Variants in MEIS2 observed in about 807,000 individuals in gnomAD.
The protein encoded by MEIS2 is homeobox protein Meis2.
A neutral mutation model predicts 58.6 loss-of-function variants in MEIS2; 9 were observed. That is an observed-to-expected ratio of 0.15 (90% CI 0.09 to 0.27). MEIS2 has a LOEUF of 0.27. Among genes scored for constraint, MEIS2 ranks in the 10% least tolerant of loss-of-function variants. The pLI is 1.00. For synonymous variants in MEIS2, 221 were observed against 228.4 expected, an observed-to-expected ratio of 0.97 and a Z score of 0.29; for missense variants, 427 against 635.0, an observed-to-expected ratio of 0.67 and a Z score of 3.52.
At chr15:36,940,993 A>G (rs1274822762) in intron 9 of MEIS2, among the ~76,000 whole-genome samples, 2 of 152,168 alleles carry the variant, frequency 1.3e-5, no homozygotes, top group East Asian at 3.9e-4. Context: ...AATCCCTATG[A>G]CTTTTGCCAT....
chr15:37,073,682 T>C (rs1891005546), intron 7 of MEIS2, among the ~76,000 whole-genome samples: 1 of 152,060 alleles, frequency 6.6e-6, no homozygotes, highest in South Asian at 2.1e-4. Context: ...TTATCAACTT[T>C]TTTTCATCTT....
At chr15:37,071,212 G>T (rs1363606941) in intron 7 of MEIS2, among the ~76,000 whole-genome samples, 5 of 152,066 alleles carry the variant, frequency 3.3e-5, no homozygotes, top group African/African-American at 9.7e-5. Flanking sequence ...AGAGGGAGGA[G>T]ATGCCTAAAA....
intron 2 of MEIS2, among the ~76,000 whole-genome samples, chr15:37,096,840 G>C (rs1894316015): frequency 6.6e-6 from 1 of 151,498 alleles, no homozygotes; most frequent in Non-Finnish European, 1.5e-5. Flanking sequence ...AACACTGTGT[G>C]AAATTGAAAA....
intron 7 of MEIS2, among the ~76,000 whole-genome samples, chr15:37,082,400 G>T (rs550290507): frequency 6.6e-6 from 1 of 151,854 alleles, no homozygotes; most frequent in African/African-American, 2.4e-5. Flanking sequence ...TTGTGTCGCC[G>T]CAATTTGGGG....
intron 7 of MEIS2, among the ~76,000 whole-genome samples, chr15:37,044,821 TTGTC>T (rs1256896298): frequency 3.9e-5 from 6 of 152,200 alleles, no homozygotes; most frequent in Non-Finnish European, 8.8e-5. Context: ...TTTTGCTAGT[TTGTC>T]TGTCTGTGAG....
chr15:37,084,496 A>C, intron 6 of MEIS2, among the ~76,000 whole-genome samples: 1 of 152,234 alleles, frequency 6.6e-6, no homozygotes, highest in Non-Finnish European at 1.5e-5. Context: ...TCAATACCTA[A>C]TAAATTATTG....
chr15:37,058,167 G>C (rs1888698838), intron 7 of MEIS2, among the ~76,000 whole-genome samples: 1 of 151,942 alleles, frequency 6.6e-6, no homozygotes, highest in East Asian at 1.9e-4. Context: ...CCCACCTAAG[G>C]CCCCCAAAGG....
intron 6 of MEIS2, among the ~76,000 whole-genome samples, chr15:37,092,215 G>A (rs1044093342): frequency 2.0e-5 from 3 of 152,208 alleles, no homozygotes; most frequent in Non-Finnish European, 4.4e-5. Flanking sequence ...CCAGACTGCG[G>A]TTTTCTTTTC....
intron 8 of MEIS2, among the ~76,000 whole-genome samples, chr15:37,027,931 A>G (rs2061762671): frequency 6.6e-6 from 1 of 152,140 alleles, no homozygotes; most frequent in South Asian, 2.1e-4. Flanking sequence ...ATGAACCTAC[A>G]TTGACACATC....
intron 8 of MEIS2, among the ~76,000 whole-genome samples, chr15:37,017,690 GACCAACC>G (rs2061395244): frequency 6.6e-6 from 1 of 152,140 alleles, no homozygotes; most frequent in Non-Finnish European, 1.5e-5. Context: ...CTAAGAGATA[GACCAACC>G]ACAGCAGGGA....
intron 6 of MEIS2, among the ~76,000 whole-genome samples, chr15:37,085,537 T>C (rs562919937): frequency 6.7e-4 from 102 of 152,228 alleles, no homozygotes; most frequent in Non-Finnish European, 1.3e-3. Context: ...GCATTTTTGA[T>C]AGATTATGAA....
intron 8 of MEIS2, among the ~76,000 whole-genome samples, chr15:36,984,606 G>A (rs1302772834): frequency 6.6e-6 from 1 of 152,106 alleles, no homozygotes; most frequent in Admixed American, 6.6e-5. Flanking sequence ...GACTTCATAA[G>A]ATGAGTTTGG....
chr15:36,961,480 T>G (rs750007099), intron 8 of MEIS2, among the ~76,000 whole-genome samples: 2 of 152,096 alleles, frequency 1.3e-5, no homozygotes, highest in Non-Finnish European at 2.9e-5. Flanking sequence ...TAATGGAATG[T>G]AATGCTGAGT....
At chr15:36,991,775 T>C (rs1264633652) in intron 8 of MEIS2, among the ~76,000 whole-genome samples, 10 of 108,306 alleles carry the variant, frequency 9.2e-5, no homozygotes, top group African/African-American at 3.1e-4. Context: ...AATTTTCTTT[T>C]TTTTTTTCTT....
intron 9 of MEIS2, among the ~76,000 whole-genome samples, chr15:36,936,309 C>A (rs1027992863): frequency 6.6e-6 from 1 of 151,954 alleles, no homozygotes; most frequent in Non-Finnish European, 1.5e-5. Context: ...CTTTCTCCTG[C>A]CTCAGCCTCC....
intron 9 of MEIS2, among the ~76,000 whole-genome samples, chr15:36,919,507 G>A (rs1435131563): frequency 1.3e-5 from 2 of 151,308 alleles, no homozygotes; most frequent in African/African-American, 4.9e-5. Flanking sequence ...GAACCCGGGA[G>A]GCAGAAGTTG....
At chr15:37,000,845 C>T (rs1255195501) in intron 8 of MEIS2, among the ~76,000 whole-genome samples, 1 of 152,146 alleles carries the variant, frequency 6.6e-6, no homozygotes, top group Non-Finnish European at 1.5e-5. Context: ...CCGCTCCCTG[C>T]CCCCTCCCAA....
chr15:36,933,877 G>A (rs1295315678), intron 9 of MEIS2, among the ~76,000 whole-genome samples: 1 of 152,128 alleles, frequency 6.6e-6, no homozygotes, highest in Non-Finnish European at 1.5e-5. Context: ...TCTAATTGGT[G>A]CGATACAAGT....
intron 8 of MEIS2, among the ~76,000 whole-genome samples, chr15:36,975,284 A>G (rs1400745032): frequency 6.6e-6 from 1 of 152,172 alleles, no homozygotes; most frequent in Non-Finnish European, 1.5e-5. Context: ...TGCTTTTTGA[A>G]TTCCAGAATA....
Sources: allele counts gnomAD v4.1 joint callset (sites outside exome capture counted in the v4.1 genomes callset), GRCh38; gene constraint gnomAD v4.1.1; transcripts MANE v1.5; gene names NCBI Gene and HGNC (gene_info 2026-07-23, HGNC 2026-07-21).